The following BMAL1 variants were observed in gnomAD, a reference collection of about 807,000 sequenced individuals.
BMAL1 encodes the protein basic helix-loop-helix ARNT like 1.
chr11:13,328,861 G>A, the BMAL1 span, among the ~76,000 whole-genome samples: 1 of 152,026 alleles, frequency 6.6e-6, no homozygotes, highest in African/African-American at 2.4e-5. Context: ...TGCAGCCCTG[G>A]GCAAAACACA....
chr11:13,296,300 C>T, the BMAL1 span, among the ~76,000 whole-genome samples: 16 of 152,178 alleles, frequency 1.1e-4, no homozygotes, highest in Non-Finnish European at 1.6e-4. Context: ...GCCTTTGAAG[C>T]TTGTCTCATA....
the BMAL1 span, among the ~76,000 whole-genome samples, chr11:13,287,204 G>A: frequency 6.6e-6 from 1 of 152,216 alleles, no homozygotes; most frequent in Non-Finnish European, 1.5e-5. Flanking sequence ...GTGTTCAAAT[G>A]ACTTAGGTGC....
chr11:13,308,048 C>G, the BMAL1 span, among the ~76,000 whole-genome samples: 1 of 151,910 alleles, frequency 6.6e-6, no homozygotes, highest in Admixed American at 6.6e-5. Flanking sequence ...AGGAGACTGT[C>G]GCAGCAATCT....
the BMAL1 span, among the ~76,000 whole-genome samples, chr11:13,284,252 A>G: frequency 2.0e-3 from 62 of 30,502 alleles, 4 homozygotes; most frequent in South Asian, 4.0e-3. Context: ...ATATATATAT[A>G]TATATATATA....
At chr11:13,354,800 G>T in the BMAL1 span, among the ~76,000 whole-genome samples, 4 of 152,214 alleles carry the variant, frequency 2.6e-5, no homozygotes, top group Admixed American at 2.0e-4. Context: ...ATCTCAGGGG[G>T]TTCAAAGAGA....
the BMAL1 span, among the ~76,000 whole-genome samples, chr11:13,351,724 G>A: frequency 3.3e-5 from 5 of 152,204 alleles, no homozygotes. Context: ...AAGAGACAGT[G>A]AGAAGGGCGA....
At chr11:13,368,859 A>G in the BMAL1 span, among the ~76,000 whole-genome samples, 2 of 152,272 alleles carry the variant, frequency 1.3e-5, no homozygotes, top group Non-Finnish European at 2.9e-5. Context: ...ACTTTAAAAA[A>G]TAAAAATAAA....
chr11:13,367,598 G>A, the BMAL1 span, among the ~76,000 whole-genome samples: 1 of 151,902 alleles, frequency 6.6e-6, no homozygotes, highest in Non-Finnish European at 1.5e-5. Context: ...CTACTTGGGA[G>A]GCTGAGGCAG....
the BMAL1 span, chr11:13,374,092 T>C: frequency 6.2e-7 from 1 of 1,612,344 alleles, no homozygotes; most frequent in East Asian, 2.2e-5. Flanking sequence ...TATTCCCTTT[T>C]AGGGCAACAG....
chr11:13,306,771 T>A, the BMAL1 span, among the ~76,000 whole-genome samples: 1 of 152,210 alleles, frequency 6.6e-6, no homozygotes, highest in Non-Finnish European at 1.5e-5. Context: ...GTTCCATGAC[T>A]GGGAAGGATG....
the BMAL1 span, chr11:13,375,567 T>C: frequency 6.7e-7 from 1 of 1,482,846 alleles, no homozygotes; most frequent in Non-Finnish European, 9.0e-7. Context: ...TTTAATACTT[T>C]GGTCTGAGAA....
the BMAL1 span, chr11:13,369,478 TA>T: frequency 2.0e-6 from 2 of 995,604 alleles, no homozygotes; most frequent in Non-Finnish European, 1.5e-6. Flanking sequence ...TGTTAAAGCC[TA>T]AACTTGGGAG....
the BMAL1 span, among the ~76,000 whole-genome samples, chr11:13,364,505 A>G: frequency 1.3e-5 from 2 of 152,384 alleles, no homozygotes; most frequent in South Asian, 4.1e-4. Context: ...ATTAAGGACC[A>G]GTGAATAAGG....
the BMAL1 span, chr11:13,356,288 TTCCC>T: frequency 2.2e-6 from 1 of 458,848 alleles, no homozygotes; most frequent in Non-Finnish European, 4.4e-6. Flanking sequence ...ACTTCGTCCC[TTCCC>T]TGCCAAATAG....
the BMAL1 span, among the ~76,000 whole-genome samples, chr11:13,351,251 G>A: frequency 6.6e-6 from 1 of 152,332 alleles, no homozygotes; most frequent in East Asian, 1.9e-4. Flanking sequence ...GCTGTTTTTG[G>A]AATGTCGAGC....
At chr11:13,286,838 C>T in the BMAL1 span, among the ~76,000 whole-genome samples, 1 of 152,110 alleles carries the variant, frequency 6.6e-6, no homozygotes, top group Non-Finnish European at 1.5e-5. Context: ...GTGACTCTGG[C>T]TTGCCTGCTT....
At chr11:13,280,290 G>T in the BMAL1 span, among the ~76,000 whole-genome samples, 3 of 152,226 alleles carry the variant, frequency 2.0e-5, no homozygotes, top group Non-Finnish European at 2.9e-5. Context: ...GCATGCCACA[G>T]GGCAGGAAAA....
chr11:13,343,702 C>T, the BMAL1 span, among the ~76,000 whole-genome samples: 1 of 152,190 alleles, frequency 6.6e-6, no homozygotes, highest in Non-Finnish European at 1.5e-5. Flanking sequence ...GAGCTAGATG[C>T]ATGCCCTGGG....
chr11:13,345,115 C>T, the BMAL1 span, among the ~76,000 whole-genome samples: 1 of 152,192 alleles, frequency 6.6e-6, no homozygotes, highest in East Asian at 1.9e-4. Flanking sequence ...AAGGCTGCTA[C>T]CCAAGTGACA....
Sources: gnomAD v4.1 joint callset for allele counts (sites outside exome capture counted in the v4.1 genomes callset) on GRCh38, gnomAD v4.1.1 for gene constraint, MANE v1.5 for transcripts, NCBI Gene and HGNC (gene_info 2026-07-23, HGNC 2026-07-21) for gene names.